COL27A1: variants seen among roughly 807,000 people sequenced by gnomAD.
COL27A1 encodes the protein collagen alpha-1(XXVII) chain.
A neutral mutation model predicts 251.3 loss-of-function variants in COL27A1; 106 were observed. That is an observed-to-expected ratio of 0.42 (90% CI 0.36 to 0.50). The LOEUF (loss-of-function observed/expected upper bound fraction) is 0.50, where lower values mean the gene tolerates loss of function less well. Among genes scored for constraint, COL27A1 ranks in the 20% least tolerant of loss-of-function variants. COL27A1 has a pLI of 0.00. For synonymous variants in COL27A1, 1,000 were observed against 986.3 expected, an observed-to-expected ratio of 1.01 and a Z score of -0.26; for missense variants, 2,325 against 2,522.8, an observed-to-expected ratio of 0.92 and a Z score of 1.68.
At chr9:114,260,770 C>T (rs1834262298) in intron 28 of COL27A1, among the ~76,000 whole-genome samples, 1 of 152,172 alleles carries the variant, frequency 6.6e-6, no homozygotes, top group South Asian at 2.1e-4. Flanking sequence ...TCAGATGGGC[C>T]TACGGCAAGT....
chr9:114,166,246 TC>T (rs1417041742), intron 2 of COL27A1, among the ~76,000 whole-genome samples: 1 of 149,750 alleles, frequency 6.7e-6, no homozygotes, highest in Non-Finnish European at 1.5e-5. Flanking sequence ...CATTTATCCA[TC>T]CATCCATCTG....
rs200013616 is a variant in COL27A1, at chr9:114,267,508, C to T, written c.3452C>T (p.Pro1151Leu). 29 of 1,598,200 alleles carry T rather than the reference C, an allele frequency of 1.8e-5. No homozygotes were observed. The highest frequency in any genetic ancestry group is 1.1e-4 in the African/African-American group (8 of 73,522). Residue 1151 changes from proline to leucine, a missense_variant, in exon 34 of 61, where the codon CCG (proline) becomes CTG (leucine). Transcript: ENST00000356083. ...ACCAATGGCGTTTTCTTTCAGGGGC[C>T]GCCTGGTGCAGTGGGAGAACCGGGC... ...GPPGEMGPKGPPGAVGEPGLP... is the reference protein window; with the variant it reads ...GPPGEMGPKGLPGAVGEPGLP...
intron 3 of COL27A1, among the ~76,000 whole-genome samples, chr9:114,177,421 G>A (rs1827556036): frequency 6.6e-6 from 1 of 152,194 alleles, no homozygotes; most frequent in Non-Finnish European, 1.5e-5. Context: ...AGGCTGTGTG[G>A]AGGAGGACTG....
At chr9:114,209,328 C>G in intron 10 of COL27A1, 3 of 527,836 alleles carry the variant, frequency 5.7e-6, no homozygotes, top group South Asian at 4.8e-5. Flanking sequence ...TGGGGGTGGG[C>G]AGGGCTTGGT....
chr9:114,237,589 C>A (rs1426132306), intron 18 of COL27A1, 73 bp from the exon 19 acceptor site: 5 of 1,249,034 alleles, frequency 4.0e-6, no homozygotes, highest in Non-Finnish European at 5.9e-6. Flanking sequence ...CCACAACCAG[C>A]GGGGGAACGC....
intron 12 of COL27A1, among the ~76,000 whole-genome samples, chr9:114,217,566 G>A (rs1372720706): frequency 6.6e-6 from 1 of 152,260 alleles, no homozygotes; most frequent in Non-Finnish European, 1.5e-5. Context: ...GCAGGACAGA[G>A]GGTCAAGTGT....
chr9:114,235,473 G>C, intron 16 of COL27A1, 126 bp from the exon 17 acceptor site: 1 of 786,186 alleles, frequency 1.3e-6, no homozygotes, highest in Non-Finnish European at 2.3e-6. Flanking sequence ...TCACAAGGCT[G>C]CTGCTGGCCG....
chr9:114,194,979 C>T (rs1829012707), intron 6 of COL27A1, among the ~76,000 whole-genome samples: 1 of 152,198 alleles, frequency 6.6e-6, no homozygotes, highest in Admixed American at 6.5e-5. Flanking sequence ...TGGCTAAAGG[C>T]CTTCATCCGT....
rs200066449 is a variant in COL27A1, at chr9:114,182,203, TAATAA to T, written c.1963-811_1963-807del. On this transcript the variant is annotated intron_variant, in intron 4 of 60. Coordinates refer to ENST00000356083, the MANE Select transcript of COL27A1 (RefSeq NM_032888.4). ...AATAATAATAATAAAATAATAAAAATAATAAAATAAAAATAATAATAAAATAATAA... is the reference window on the plus strand; with the variant it reads ...AATAATAATAATAAAATAATAAAAATAATAAAAATAATAATAAAATAATAA... Among the ~76,000 whole-genome samples, 656 of 145,024 alleles carry T rather than the reference TAATAA, an allele frequency of 4.5e-3. 12 individuals carry two copies. The highest frequency in any genetic ancestry group is 0.038 in the South Asian group (172 of 4,582).
chr9:114,170,746 G>A (rs1849255376), intron 3 of COL27A1, among the ~76,000 whole-genome samples: 1 of 152,246 alleles, frequency 6.6e-6, no homozygotes. Context: ...GCAGCGTAGA[G>A]AGTTGGGAGC....
intron 29 of COL27A1, 142 bp from the exon 30 acceptor site, chr9:114,264,782 T>C: frequency 1.2e-6 from 1 of 857,620 alleles, no homozygotes. Context: ...CAGGCCTTAG[T>C]TTTCCCATCT....
intron 19 of COL27A1, among the ~76,000 whole-genome samples, chr9:114,237,926 G>A (rs1194282177): frequency 6.6e-6 from 1 of 152,166 alleles, no homozygotes; most frequent in African/African-American, 2.4e-5. Flanking sequence ...AGTCAACAGG[G>A]CCAAAAGGTG....
intron 27 of COL27A1, among the ~76,000 whole-genome samples, chr9:114,254,471 G>A (rs1342558235): frequency 6.6e-6 from 1 of 152,108 alleles, no homozygotes; most frequent in Non-Finnish European, 1.5e-5. Flanking sequence ...AAGGGCACTC[G>A]CTTCAGCCAA....
chr9:114,171,809 C>G (rs1313822292), intron 3 of COL27A1, among the ~76,000 whole-genome samples: 1 of 152,168 alleles, frequency 6.6e-6, no homozygotes, highest in Non-Finnish European at 1.5e-5. Context: ...TTATGAGCTG[C>G]TTCCACAGGC....
At chr9:114,242,802 T>C (rs1832849074) in intron 22 of COL27A1, among the ~76,000 whole-genome samples, 1 of 152,260 alleles carries the variant, frequency 6.6e-6, no homozygotes. Flanking sequence ...ATGTATTTAT[T>C]CATTCATTGA....
chr9:114,276,012 C>T (rs940304785), intron 37 of COL27A1, among the ~76,000 whole-genome samples: 3 of 152,198 alleles, frequency 2.0e-5, no homozygotes, highest in Admixed American at 6.5e-5. Context: ...CCCTGCCGAC[C>T]TCATCTCATC....
rs551772781 is a variant in COL27A1, at chr9:114,218,886, A to C, written c.2368-905A>C. 6.6e-5 allele frequency among the ~76,000 whole-genome samples: 10 copies of C among 151,928 alleles called. No individual in the cohort carries two copies. In the East Asian group the frequency reaches 1.9e-3, roughly 29 times the overall value. On this transcript the variant is annotated intron_variant, in intron 12 of 60. Transcript: ENST00000356083. The stretch of plus-strand genomic sequence containing the variant: ...GAAACCGAAAACAGGATCATCCTCC[A>C]TGAGGAATGTTTACCATTTGAATCA...
At chr9:114,258,164 G>A (rs980534393) in intron 27 of COL27A1, among the ~76,000 whole-genome samples, 1 of 152,224 alleles carries the variant, frequency 6.6e-6, no homozygotes, top group African/African-American at 2.4e-5. Flanking sequence ...GCCACAGAGC[G>A]AGATCCTCTC....
At position 114,171,710 on chromosome 9, in the gene COL27A1, C is replaced by T. The variant is rs189926878; in HGVS notation, c.1908+2247C>T. On this transcript the variant is annotated intron_variant, in intron 3 of 60. Coordinates refer to ENST00000356083, the MANE Select transcript of COL27A1 (RefSeq NM_032888.4). ...TAAACTCCTGGCCTCAAGTGATCCT[C>T]CTGCCTCAGCCTCCCAGAGCGCTAG... is the stretch of plus-strand genomic sequence containing the variant. Among the ~76,000 whole-genome samples the T allele has an allele frequency of 4.0e-3, 614 of 152,280 alleles. 5 individuals carry two copies. Among genetic ancestry groups the T allele is most frequent in the African/African-American group, 0.013 (558 of 41,560 alleles).
Sources: gnomAD v4.1 joint callset for allele counts (sites outside exome capture counted in the v4.1 genomes callset) on GRCh38, gnomAD v4.1.1 for gene constraint, MANE v1.5 for transcripts, NCBI Gene and HGNC (gene_info 2026-07-23, HGNC 2026-07-21) for gene names.